ZNF519: variants seen among roughly 807,000 people sequenced by gnomAD.
ZNF519 encodes the protein similar to Zinc finger protein 85 (Zinc finger protein HPF4) (HTF1).
In ZNF519, 7 loss-of-function variants were observed where a neutral mutation model predicts 7.4. That is an observed-to-expected ratio of 0.94 (90% CI 0.54 to 1.77). ZNF519 has a LOEUF of 1.77. ZNF519 is among the 40% of genes most tolerant of loss of function. ZNF519 has a pLI of 0.00. For missense variants in ZNF519, 586 were observed against 623.1 expected (o/e 0.94, Z 0.63); for synonymous variants, 179 against 203.3 (o/e 0.88, Z 1.02).
chr18:14,115,384 A>G lies in ZNF519; in HGVS notation c.130+8966T>C, dbSNP rs113329489. 1.7e-4 allele frequency among the ~76,000 whole-genome samples: 26 copies of G among 152,342 alleles called. 1 individual carries two copies. Among genetic ancestry groups the G allele is most frequent in the African/African-American group, 5.8e-4 (24 of 41,562 alleles). On this transcript the variant is annotated intron_variant, in intron 2 of 2. Transcript: ENST00000590202. ...TGGATGATGGCTATACATATTTTACATCAATATAAGAAGCAATCCTAAAAA... is the reference window on the plus strand; with the variant it reads ...TGGATGATGGCTATACATATTTTACGTCAATATAAGAAGCAATCCTAAAAA...
intron 2 of ZNF519, among the ~76,000 whole-genome samples, chr18:14,092,860 T>C (rs77866161): frequency 1.3e-5 from 2 of 152,196 alleles, no homozygotes; most frequent in Non-Finnish European, 2.9e-5. Context: ...CCTCTCTTCC[T>C]ACATTTAAAG....
chr18:14,084,381 G>A (rs896115535), intron 3 of ZNF519: 4 of 152,236 alleles, frequency 2.6e-5, no homozygotes, highest in African/African-American at 9.7e-5. Context: ...TGTGGAAGAG[G>A]TGGTCCTACG....
chr18:14,092,556 G>A lies in ZNF519; in HGVS notation c.131-7480C>T, dbSNP rs187928217. Among the ~76,000 whole-genome samples the A allele has an allele frequency of 1.7e-3, 260 of 152,176 alleles. 1 individual carries two copies. Among genetic ancestry groups the A allele is most frequent in the African/African-American group, 5.8e-3 (242 of 41,486 alleles). On this transcript the variant is annotated intron_variant and NMD_transcript_variant, in intron 2 of 4. Transcript: ENST00000587419. The stretch of plus-strand genomic sequence containing the variant: ...GGCAAATTCAATGGTCTTGTTGGTG[G>A]CCAGAGCCTTCCTTAGGCTTCCTAG...
rs1478709740 is a variant in ZNF519 at position 14,101,845 on chromosome 18, G to T, written c.*3072C>A. 1 of 397,836 alleles carries T rather than the reference G, an allele frequency of 2.5e-6. No homozygotes were observed. The highest frequency in any genetic ancestry group is 4.4e-6 in the Non-Finnish European group (1 of 225,846). The allele number at this position is 397,836 out of a possible 1,614,324, so 24.6% of individuals were successfully genotyped here. On this transcript the variant is annotated 3_prime_UTR_variant, in exon 3 of 3. Coordinates refer to ENST00000590202, the MANE Select transcript of ZNF519 (RefSeq NM_145287.4). Reference sequence around the variant, plus strand: ...CTTGGCTGACCTGGCCTCTTCTGTCGAGTCTTTCCATTCCCCAAATCAGGC... The same window carrying T: ...CTTGGCTGACCTGGCCTCTTCTGTCTAGTCTTTCCATTCCCCAAATCAGGC...
Position 14,106,149 on chromosome 18 carries a change from G to A in ZNF519, c.391C>T (p.Leu131=). 1 of 1,611,814 alleles carries A rather than the reference G, an allele frequency of 6.2e-7. No individual in the cohort carries two copies. Among genetic ancestry groups the A allele is most frequent in the Non-Finnish European group, 8.5e-7 (1 of 1,179,438 alleles). The change falls in exon 3 of 3, where the codon CTG becomes TTG. Residue 131 remains leucine (L), a synonymous_variant. Transcript: ENST00000590202. ...CATGGTTCTGTAGGAGCAGCTGACA[G>A]AAACTGAGGCTTCTTCTGAAATATT... ...YRIFQKKPQF[L]SAAPTEPCIP... is the part of the protein sequence containing the mutation.
chr18:14,119,386 G>A (rs879270002), intron 2 of ZNF519, among the ~76,000 whole-genome samples: 1 of 152,166 alleles, frequency 6.6e-6, no homozygotes, highest in Non-Finnish European at 1.5e-5. Context: ...CCAGGGCCAT[G>A]GGTAGTTATA....
At chr18:14,085,101 C>T (rs1419385364) in intron 2 of ZNF519, 1 of 152,000 alleles carries the variant, frequency 6.6e-6, no homozygotes, top group East Asian at 1.9e-4. Context: ...AAAGAAACAG[C>T]TAAGTTTATG....
intron 1 of ZNF519, among the ~76,000 whole-genome samples, chr18:14,128,036 T>TC (rs1202519226): frequency 6.6e-6 from 1 of 151,934 alleles, no homozygotes; most frequent in Admixed American, 6.6e-5. Context: ...ACGCCTGTAA[T>TC]CCCAGCACTC....
chr18:14,109,132 A>T (rs79865559), intron 2 of ZNF519, among the ~76,000 whole-genome samples: 7 of 151,724 alleles, frequency 4.6e-5, no homozygotes, highest in African/African-American at 1.7e-4. Flanking sequence ...AAAAAAAAAA[A>T]AAATAATAAT....
intron 2 of ZNF519, among the ~76,000 whole-genome samples, chr18:14,112,004 T>C (rs989974393): frequency 2.6e-5 from 4 of 151,976 alleles, no homozygotes; most frequent in African/African-American, 9.7e-5. Flanking sequence ...AGATGCAAAA[T>C]TTCTAATAAA....
chr18:14,119,199 A>T (rs2046259612), intron 2 of ZNF519, among the ~76,000 whole-genome samples: 1 of 152,146 alleles, frequency 6.6e-6, no homozygotes, highest in Non-Finnish European at 1.5e-5. Flanking sequence ...CAGCTTTACA[A>T]CGCTTCTTCT....
intron 3 of ZNF519, among the ~76,000 whole-genome samples, chr18:14,083,870 T>C (rs1293015041): frequency 6.6e-6 from 1 of 152,170 alleles, no homozygotes; most frequent in Non-Finnish European, 1.5e-5. Context: ...GTTTCTTTAA[T>C]CCTCATCCAC....
At chr18:14,072,297 T>C (rs766079995), downstream of ZNF519, 3 of 152,200 alleles carry the variant, frequency 2.0e-5, no homozygotes, top group Non-Finnish European at 4.4e-5. Context: ...GATATTATCG[T>C]TGCCTGTGTT....
chr18:14,096,674 C>A (rs2046138142), downstream of ZNF519, among the ~76,000 whole-genome samples: 1 of 152,152 alleles, frequency 6.6e-6, no homozygotes, highest in South Asian at 2.1e-4. Flanking sequence ...TGCAACCACA[C>A]CCATCTATTC....
At chr18:14,084,709 GCTC>G (rs1225912585) in intron 3 of ZNF519, among the ~76,000 whole-genome samples, 1 of 152,068 alleles carries the variant, frequency 6.6e-6, no homozygotes, top group East Asian at 1.9e-4. Flanking sequence ...AAGGCCTGGT[GCTC>G]CTCCTCATTG....
intron 3 of ZNF519, among the ~76,000 whole-genome samples, chr18:14,083,412 A>G (rs1057062299): frequency 5.3e-5 from 8 of 152,168 alleles, no homozygotes; most frequent in African/African-American, 1.9e-4. Flanking sequence ...CAATGGCTAC[A>G]TGAGTCACTC....
chr18:14,128,897 C>G (rs913367460), intron 1 of ZNF519, among the ~76,000 whole-genome samples: 7 of 152,096 alleles, frequency 4.6e-5, no homozygotes, highest in Admixed American at 4.6e-4. Flanking sequence ...CTACAACAGC[C>G]GGGTCTAAAG....
downstream of ZNF519, among the ~76,000 whole-genome samples, chr18:14,096,426 T>C (rs992071567): frequency 2.6e-5 from 4 of 152,220 alleles, no homozygotes; most frequent in Non-Finnish European, 4.4e-5. Flanking sequence ...TATTTCACCA[T>C]TTGCTTCATT....
chr18:14,094,087 AT>A (rs2046124549), intron 2 of ZNF519, among the ~76,000 whole-genome samples: 1 of 151,980 alleles, frequency 6.6e-6, no homozygotes, highest in Admixed American at 6.5e-5. Context: ...TCCATCTTTC[AT>A]GCTACAGGAA....
Sources: allele counts gnomAD v4.1 joint callset (sites outside exome capture counted in the v4.1 genomes callset), GRCh38; gene constraint gnomAD v4.1.1; transcripts MANE v1.5; gene names NCBI Gene and HGNC (gene_info 2026-07-23, HGNC 2026-07-21).